The following MEGF10 variants were observed in gnomAD, a reference collection of about 807,000 sequenced individuals.
MEGF10 encodes the protein multiple epidermal growth factor-like domains protein 10.
In MEGF10, 86 loss-of-function variants were observed where a neutral mutation model predicts 147.5. That is an observed-to-expected ratio of 0.58 (90% CI 0.49 to 0.70). MEGF10 has a LOEUF of 0.70. Among genes scored for constraint, MEGF10 ranks in the 30% least tolerant of loss-of-function variants. MEGF10 has a pLI of 0.00. For missense variants in MEGF10, 1,329 were observed against 1,487.3 expected (o/e 0.89, Z 1.75); for synonymous variants, 478 against 525.5 (o/e 0.91, Z 1.24).
chr5:127,437,827 G>T (rs1371913573), intron 16 of MEGF10, among the ~76,000 whole-genome samples: 2 of 152,184 alleles, frequency 1.3e-5, no homozygotes, highest in Admixed American at 1.3e-4. Context: ...ACAGGATTTA[G>T]AAATTGTGAA....
intron 1 of MEGF10, among the ~76,000 whole-genome samples, chr5:127,330,466 G>A (rs1206288466): frequency 6.6e-6 from 1 of 152,026 alleles, no homozygotes; most frequent in African/African-American, 2.4e-5. Context: ...CTTACATGTG[G>A]ATCCCTCTGC....
the MEGF10 span, among the ~76,000 whole-genome samples, chr5:127,266,260 C>T: frequency 2.0e-5 from 3 of 151,372 alleles, no homozygotes; most frequent in South Asian, 2.1e-4. Flanking sequence ...TGAGGCCTCT[C>T]TTCTGTTCCA....
intron 4 of MEGF10, among the ~76,000 whole-genome samples, chr5:127,363,068 C>T (rs1017712811): frequency 6.6e-6 from 1 of 152,160 alleles, no homozygotes; most frequent in African/African-American, 2.4e-5. Context: ...TAATTCCCCT[C>T]ATATCTTTTG....
the MEGF10 span, among the ~76,000 whole-genome samples, chr5:127,267,617 T>A: frequency 2.0e-5 from 3 of 152,338 alleles, no homozygotes; most frequent in East Asian, 3.9e-4. Context: ...ATTGGTCTAT[T>A]CAGGGATTCA....
chr5:127,403,471 A>G (rs1764205935), intron 8 of MEGF10, among the ~76,000 whole-genome samples: 2 of 152,186 alleles, frequency 1.3e-5, no homozygotes, highest in African/African-American at 4.8e-5. Flanking sequence ...ATTATTTCAG[A>G]AAGTACAATG....
intron 4 of MEGF10, among the ~76,000 whole-genome samples, chr5:127,357,335 T>G (rs1479399252): frequency 6.6e-6 from 1 of 152,152 alleles, no homozygotes; most frequent in Non-Finnish European, 1.5e-5. Flanking sequence ...TCAATAAATA[T>G]GCATATAAAG....
At chr5:127,288,238 C>T (rs144010904), upstream of MEGF10, among the ~76,000 whole-genome samples, 96 of 152,140 alleles carry the variant, frequency 6.3e-4, 1 homozygote, top group African/African-American at 2.1e-3. Context: ...CACAAAAACA[C>T]GCTTGATAAA....
the MEGF10 span, among the ~76,000 whole-genome samples, chr5:127,250,393 A>T: frequency 8.7e-5 from 13 of 149,868 alleles, no homozygotes; most frequent in African/African-American, 2.8e-4. Context: ...ATAAATAGAT[A>T]AAAAAAATTT....
At chr5:127,235,373 T>C in the MEGF10 span, among the ~76,000 whole-genome samples, 2 of 152,224 alleles carry the variant, frequency 1.3e-5, no homozygotes, top group Non-Finnish European at 2.9e-5. Flanking sequence ...TCTTCCCTTA[T>C]GTTTCTTCCT....
chr5:127,427,100 T>A (rs1765229881), intron 13 of MEGF10, among the ~76,000 whole-genome samples: 1 of 152,224 alleles, frequency 6.6e-6, no homozygotes, highest in Non-Finnish European at 1.5e-5. Context: ...GCCGGATTTC[T>A]GCCCCAACTT....
the MEGF10 span, among the ~76,000 whole-genome samples, chr5:127,265,417 T>A: frequency 6.6e-6 from 1 of 152,162 alleles, no homozygotes; most frequent in Non-Finnish European, 1.5e-5. Flanking sequence ...TGATTTATAA[T>A]CCTTTGGGTA....
chr5:127,344,681 G>A (rs111375014), intron 4 of MEGF10, among the ~76,000 whole-genome samples: 101 of 151,944 alleles, frequency 6.6e-4, no homozygotes, highest in African/African-American at 2.3e-3. Context: ...AAAATTCTCC[G>A]TTCTCTATGT....
intron 6 of MEGF10, among the ~76,000 whole-genome samples, chr5:127,397,909 T>A (rs1301076606): frequency 6.6e-6 from 1 of 152,156 alleles, no homozygotes; most frequent in East Asian, 1.9e-4. Flanking sequence ...GTTCATGTCC[T>A]TTGCAGGGAC....
At chr5:127,279,420 G>A in the MEGF10 span, among the ~76,000 whole-genome samples, 14 of 152,204 alleles carry the variant, frequency 9.2e-5, no homozygotes, top group East Asian at 1.4e-3. Context: ...TTGGAAGAAA[G>A]GAGATCCTGG....
chr5:127,320,686 C>T (rs970112096), intron 1 of MEGF10, among the ~76,000 whole-genome samples: 1 of 152,182 alleles, frequency 6.6e-6, no homozygotes, highest in Non-Finnish European at 1.5e-5. Flanking sequence ...CATTCTTTTA[C>T]CTACTTATAC....
chr5:127,333,575 T>C (rs775660509), intron 2 of MEGF10, among the ~76,000 whole-genome samples: 157 of 152,004 alleles, frequency 1.0e-3, no homozygotes, highest in Non-Finnish European at 1.6e-3. Context: ...CTTCAAATAA[T>C]CCGGCACCCA....
At chr5:127,417,971 A>AT (rs1764841709) in intron 10 of MEGF10, among the ~76,000 whole-genome samples, 159 bp downstream of exon 10, 2 of 152,360 alleles carry the variant, frequency 1.3e-5, no homozygotes, top group East Asian at 3.9e-4. Flanking sequence ...GCTAATAGAG[A>AT]TATAAGGAAT....
rs746266391 is a variant in MEGF10 at position 127,438,520 on chromosome 5, G to A, written c.2186G>A (p.Gly729Glu). 1 of 1,614,122 alleles carries A rather than the reference G, an allele frequency of 6.2e-7. No individual in the cohort carries two copies. Among genetic ancestry groups the A allele is most frequent in the Admixed American group, 1.7e-5 (1 of 60,016 alleles). ...GGAGCTTTCTGCAGCGCCTACGATG[G>A]GGAATGTAAATGCACTCCTGGCTGG... ...HNGAFCSAYD[G>E]ECKCTPGWTG... Residue 729 changes from glycine to glutamate, a missense_variant, in exon 17 of 25, where the codon GGG becomes GAG. By Grantham distance (98) the Gly-to-Glu change is moderately conservative. Around this residue, in one of 3 missense-constraint regions of MEGF10, gnomAD observed 980 missense variants for 1,085.9 expected, o/e 0.90. Coordinates refer to ENST00000503335, the MANE Select transcript of MEGF10 (RefSeq NM_001256545.2).
At chr5:127,252,111 A>G in the MEGF10 span, among the ~76,000 whole-genome samples, 2 of 152,004 alleles carry the variant, frequency 1.3e-5, no homozygotes, top group Admixed American at 6.6e-5. Context: ...TAGAAGCTTT[A>G]TAATACCCAG....
Sources: allele counts gnomAD v4.1 joint callset (sites outside exome capture counted in the v4.1 genomes callset), GRCh38; gene constraint gnomAD v4.1.1; regional missense constraint gnomAD v4.1.1; transcripts MANE v1.5; gene names NCBI Gene and HGNC (gene_info 2026-07-23, HGNC 2026-07-21).